Variants in LRP1 observed in about 807,000 individuals in gnomAD.
The protein encoded by LRP1 is LDL receptor related protein 1, also known as prolow-density lipoprotein receptor-related protein 1.
LRP1 carries 51 observed loss-of-function variants against 541.5 expected under a neutral mutation model. The observed-to-expected ratio is 0.09, with a 90% CI of 0.08 to 0.12. The LOEUF (loss-of-function observed/expected upper bound fraction) is 0.12, where lower values mean the gene tolerates loss of function less well. Ranked by LOEUF, LRP1 falls within the 10% of genes least tolerant of loss-of-function variation. LRP1 has a pLI of 1.00. For missense variants in LRP1, 3,878 were observed against 6,376.2 expected (o/e 0.61, Z 13.34); for synonymous variants, 2,219 against 2,470.8 (o/e 0.90, Z 3.02).
rs2036255693 is a variant in LRP1 at position 57,185,682 on chromosome 12, G to A, written c.6615G>A (p.Glu2205=). 3 of 1,614,022 alleles carry A rather than the reference G, an allele frequency of 1.9e-6. No homozygotes were observed. Among genetic ancestry groups the A allele is most frequent in the East Asian group, 2.2e-5 (1 of 44,884 alleles). ...REYAGYLLYS[E]RTILKSIHLS... ...ATGCCGGCTACCTGCTCTACTCAGA[G>A]CGCACCATTCTCAAGAGTATCCACC... The change falls in exon 41 of 89, where the codon GAG becomes GAA. Residue 2205 remains glutamate (E), a synonymous_variant. Coordinates refer to ENST00000243077, the MANE Select transcript of LRP1 (RefSeq NM_002332.3). This position sits in a 1 kb window ranked among gnomAD's most constrained non-coding sequence, Gnocchi z 4.9.
Position 57,162,626 on chromosome 12 carries a change from C to A in LRP1, c.2404+108C>A. 1.5e-6 allele frequency: 2 copies of A among 1,329,838 alleles called. No homozygotes were observed. Among genetic ancestry groups the A allele is most frequent in the Admixed American group, 2.0e-5 (1 of 50,420 alleles). The allele number at this position is 1,329,838 out of a possible 1,614,324, so 82.4% of individuals were successfully genotyped here. On this transcript the variant is annotated intron_variant, in intron 14 of 88. Coordinates refer to ENST00000243077, the MANE Select transcript of LRP1 (RefSeq NM_002332.3). This position sits in a 1 kb window ranked among gnomAD's most constrained non-coding sequence, Gnocchi z 5.2. ...GAAGGCACTTCCCAGGGATCCTAGG[C>A]TCTGACTTTTGAGGATCCTGAGAAG...
intron 42 of LRP1, among the ~76,000 whole-genome samples, chr12:57,190,019 T>C (rs2036345826): frequency 6.6e-6 from 1 of 152,098 alleles, no homozygotes; most frequent in African/African-American, 2.4e-5. Flanking sequence ...CACGGCATAA[T>C]TGGGGGCTGG....
At chr12:57,141,540 C>T (rs763182845) in intron 3 of LRP1, 29 bp downstream of exon 3, 38 of 1,613,850 alleles carry the variant, frequency 2.4e-5, no homozygotes, top group South Asian at 2.1e-4. Flanking sequence ...TCTACTCTCC[C>T]GTCTGGATGC....
chr12:57,182,048 G>T (rs2036176054), intron 34 of LRP1, among the ~76,000 whole-genome samples: 5 of 152,170 alleles, frequency 3.3e-5, no homozygotes, highest in Admixed American at 3.3e-4. Flanking sequence ...TGTGTGCCAA[G>T]AATTTTTCAA....
rs770119487 is a variant in LRP1, at chr12:57,175,454, C to T, written c.3548-6C>T. ...TGGGTCTGTTCCATGCCTGCCCCTCCCCTAGACCAGTGCTCTCTGAATAAC... is the reference window on the plus strand; with the variant it reads ...TGGGTCTGTTCCATGCCTGCCCCTCTCCTAGACCAGTGCTCTCTGAATAAC... On this transcript the variant is annotated splice_region_variant and splice_polypyrimidine_tract_variant and intron_variant, in intron 22 of 88. Transcript: ENST00000243077. 13 of 1,612,506 alleles carry T rather than the reference C, an allele frequency of 8.1e-6. No individual in the cohort carries two copies. Among genetic ancestry groups the T allele is most frequent in the African/African-American group, 2.7e-5 (2 of 74,944 alleles).
At position 57,184,885 on chromosome 12, in the gene LRP1, G is replaced by A. The variant is rs746942324; in HGVS notation, c.6233G>A (p.Arg2078Gln). 6.2e-7 allele frequency: 1 copy of A among 1,614,164 alleles called. No homozygotes were observed. The highest frequency in any genetic ancestry group is 8.5e-7 in the Non-Finnish European group (1 of 1,180,036). ...WCDARTDKIE[R>Q]IDLETGENRE... The stretch of plus-strand genomic sequence containing the variant: ...GATGCACGGACAGACAAGATTGAAC[G>A]GATCGACCTGGAGACAGGTGAGAAC... Residue 2078 changes from arginine to glutamine, a missense_variant, in exon 39 of 89, where the codon CGG becomes CAG. Transcript: ENST00000243077. The surrounding 1 kb of genome is among the most constrained non-coding windows in gnomAD (Gnocchi z 7.8).
rs780029146 is a variant in LRP1 at position 57,141,520 on chromosome 12, T to A, written c.328+9T>A. 2 of 1,614,108 alleles carry A rather than the reference T, an allele frequency of 1.2e-6. No homozygotes were observed. The highest frequency in any genetic ancestry group is 2.2e-5 in the East Asian group (1 of 44,884). On this transcript the variant is annotated intron_variant, in intron 3 of 88. Transcript: ENST00000243077. ...GGGGCCCCACTGCCGAGGTAAGGAC[T>A]TTTCCACTCTCTACTCTCCCGTCTG...
chr12:57,188,912 G>A (rs1275279602), intron 42 of LRP1, among the ~76,000 whole-genome samples: 2 of 152,194 alleles, frequency 1.3e-5, no homozygotes, highest in African/African-American at 4.8e-5. Flanking sequence ...AGGAGAAAGA[G>A]CTGAGCTGGC....
At position 57,162,785 on chromosome 12, in the gene LRP1, C is replaced by T; in HGVS notation, c.2405-73C>T. 1.3e-6 allele frequency: 2 copies of T among 1,483,158 alleles called. No homozygotes were observed. Among genetic ancestry groups the T allele is most frequent in the East Asian group, 2.5e-5 (1 of 40,624 alleles). The allele number at this position is 1,483,158 out of a possible 1,614,324, so 91.9% of individuals were successfully genotyped here. ...TCTGTCCCCACATCTTAATGTGTCT[C>T]CTCCCCTATCCCTTCTCTGACCTCT... On this transcript the variant is annotated intron_variant, in intron 14 of 88. Transcript: ENST00000243077. This position sits in a 1 kb window ranked among gnomAD's most constrained non-coding sequence, Gnocchi z 5.2.
Position 57,183,630 on chromosome 12 carries a change from C to A in LRP1, c.5794+120C>A. On this transcript the variant is annotated intron_variant, in intron 35 of 88. Coordinates refer to ENST00000243077, the MANE Select transcript of LRP1 (RefSeq NM_002332.3). The surrounding 1 kb of genome is among the most constrained non-coding windows in gnomAD (Gnocchi z 6.1). ...TTGGCCTGAGGTGGGGCACTTGCTACAGCTGCCACCCTGACTCCACCTCCC... is the reference window on the plus strand; with the variant it reads ...TTGGCCTGAGGTGGGGCACTTGCTAAAGCTGCCACCCTGACTCCACCTCCC... 6.7e-7 allele frequency: 1 copy of A among 1,482,366 alleles called. No individual in the cohort carries two copies. Among genetic ancestry groups the A allele is most frequent in the Non-Finnish European group, 9.1e-7 (1 of 1,098,616 alleles). 91.8% of individuals were successfully genotyped at this position (1,482,366 alleles called of 1,614,324 possible). A position where few individuals can be genotyped will look rare whatever the true frequency, so the allele number is the denominator to read the frequency against.
intron 22 of LRP1, among the ~76,000 whole-genome samples, chr12:57,174,700 G>C (rs2036009199): frequency 1.3e-5 from 2 of 152,218 alleles, no homozygotes; most frequent in Admixed American, 6.5e-5. Context: ...GGGAGGCGGA[G>C]GTTGCAGTGA....
At position 57,156,995 on chromosome 12, in the gene LRP1, G is replaced by C. The variant is rs1592616934; in HGVS notation, c.1561+75G>C. 1 of 1,454,064 alleles carries C rather than the reference G, an allele frequency of 6.9e-7. No individual in the cohort carries two copies. 90.1% of individuals were successfully genotyped at this position (1,454,064 alleles called of 1,614,324 possible). The stretch of plus-strand genomic sequence containing the variant: ...TTCCTCAGGTGTCCCCCACAGCCCG[G>C]CTGCCTCTGTCTGACATGCAGGGAG... On this transcript the variant is annotated intron_variant, in intron 10 of 88. Transcript: ENST00000243077. This position sits in a 1 kb window ranked among gnomAD's most constrained non-coding sequence, Gnocchi z 5.2.
intron 42 of LRP1, among the ~76,000 whole-genome samples, chr12:57,190,079 G>A (rs867134767): frequency 2.6e-5 from 4 of 152,154 alleles, no homozygotes; most frequent in Non-Finnish European, 4.4e-5. Context: ...TCAGAGGGGC[G>A]ACAGGCTCAT....
rs757530266 is a variant in LRP1, at chr12:57,205,721, C to T, written c.11590+44C>T. On this transcript the variant is annotated intron_variant, in intron 75 of 88. Coordinates refer to ENST00000243077, the MANE Select transcript of LRP1 (RefSeq NM_002332.3). The surrounding 1 kb of genome is among the most constrained non-coding windows in gnomAD (Gnocchi z 4.6). ...GGCAGAAAGGCTGGGTGGGGCAGGG[C>T]GACCAGGATATCAAACGGGGCCGAC... 1.1e-5 allele frequency: 17 copies of T among 1,597,324 alleles called. No individual in the cohort carries two copies. The Middle Eastern group carries it at 9.9e-4, about 93-fold the overall frequency.
intron 43 of LRP1, 139 bp downstream of exon 43, chr12:57,191,148 G>T: frequency 1.8e-6 from 2 of 1,132,722 alleles, no homozygotes; most frequent in East Asian, 2.6e-5. Flanking sequence ...CCCAGCCTCG[G>T]TCAACCCCAC....
rs1401127073 is a variant in LRP1 at position 57,209,127 on chromosome 12, G to A, written c.12190G>A (p.Ala4064Thr). The A allele has an allele frequency of 6.2e-6, 10 of 1,613,996 alleles. No homozygotes were observed. Among genetic ancestry groups the A allele is most frequent in the African/African-American group, 5.3e-5 (4 of 74,932 alleles). Residue 4064 changes from alanine to threonine, a missense_variant, in exon 79 of 89, where the codon GCC (alanine) becomes ACC (threonine). Coordinates refer to ENST00000243077, the MANE Select transcript of LRP1 (RefSeq NM_002332.3). ...CAATGAGCGGCTGTACTGGGCAGAC[G>A]CCAAGCTTTCAGTCATCGGCAGCAT... ...YHNERLYWAD[A>T]KLSVIGSIRL...
rs1338854076 is a variant in LRP1 at position 57,143,911 on chromosome 12, A to G, written c.448+113A>G. ...TGGCTGGAATAAGAAACTAGAAGGAAGGTGCAAGAGAGGGGGTGCCACCAC... is the reference window on the plus strand; with the variant it reads ...TGGCTGGAATAAGAAACTAGAAGGAGGGTGCAAGAGAGGGGGTGCCACCAC... On this transcript the variant is annotated intron_variant, in intron 4 of 88. Transcript: ENST00000243077. 19 of 1,375,468 alleles carry G rather than the reference A, an allele frequency of 1.4e-5. No individual in the cohort carries two copies. In the East Asian group the frequency reaches 2.1e-4, roughly 15 times the overall value. The allele number at this position is 1,375,468 out of a possible 1,614,324, so 85.2% of individuals were successfully genotyped here.
In LRP1 at chr12:57,190,792, C is replaced by G. The variant is rs369869344; in HGVS notation, c.7032-13C>G. ...AGGCTTTGCCTCCTGATCTCTGGACCCTCTTCCCCCAGCCTCATGTTCTGG... is the reference window on the plus strand; with the variant it reads ...AGGCTTTGCCTCCTGATCTCTGGACGCTCTTCCCCCAGCCTCATGTTCTGG... On this transcript the variant is annotated splice_polypyrimidine_tract_variant and intron_variant, in intron 42 of 88. Coordinates refer to ENST00000243077, the MANE Select transcript of LRP1 (RefSeq NM_002332.3). 6.8e-6 allele frequency: 11 copies of G among 1,612,434 alleles called. No individual in the cohort carries two copies. The East Asian group carries it at 8.9e-5, about 13-fold the overall frequency.
chr12:57,199,203 G>A lies in LRP1; in HGVS notation c.9677-9G>A. ...TGACTGGCACTGTGCCTGCCCCTTG[G>A]CCCTGCAGTGCTGAGCCAGGACATC... On this transcript the variant is annotated splice_polypyrimidine_tract_variant and intron_variant, in intron 60 of 88. Transcript: ENST00000243077. 1 of 1,612,042 alleles carries A rather than the reference G, an allele frequency of 6.2e-7. No individual in the cohort carries two copies. The highest frequency in any genetic ancestry group is 8.5e-7 in the Non-Finnish European group (1 of 1,179,360).
Sources: allele counts gnomAD v4.1 joint callset (sites outside exome capture counted in the v4.1 genomes callset), GRCh38; gene constraint gnomAD v4.1.1; non-coding constraint Gnocchi (gnomAD v3.1); transcripts MANE v1.5; gene names NCBI Gene and HGNC (gene_info 2026-07-23, HGNC 2026-07-21).